The following MGAT4C variants were observed in gnomAD, a reference collection of about 807,000 sequenced individuals.
The protein encoded by MGAT4C is alpha-1,3-mannosyl-glycoprotein 4-beta-N-acetylglucosaminyltransferase C.
Under a neutral mutation model 40.1 loss-of-function variants are expected in MGAT4C, and 19 were observed. The ratio of observed to expected loss-of-function variants is 0.47; its 90% confidence interval spans 0.33 to 0.70. The LOEUF is 0.70. Among genes scored for constraint, MGAT4C ranks in the 30% least tolerant of loss-of-function variants. The probability of loss-of-function intolerance (pLI) is 0.02; values close to 1 mark genes in which losing one functional copy is unlikely to be tolerated. For missense variants in MGAT4C, 491 were observed against 563.2 expected (o/e 0.87, Z 1.30); for synonymous variants, 181 against 187.1 (o/e 0.97, Z 0.27).
Position 86,627,076 on chromosome 12 carries a change from A to T in MGAT4C, c.-229+100133T>A, listed in dbSNP as rs10444513. Reference sequence around the variant, plus strand: ...GACAGCAGGAGATTATATCCCATGCATGGCTCAGCTGGTCCCATGCCCACA... The same window carrying T: ...GACAGCAGGAGATTATATCCCATGCTTGGCTCAGCTGGTCCCATGCCCACA... On this transcript the variant is annotated intron_variant, in intron 2 of 7. Transcript: ENST00000548651. Among the ~76,000 whole-genome samples, 3 of 152,266 alleles carry T rather than the reference A, an allele frequency of 2.0e-5. No homozygotes were observed. In the East Asian group the frequency reaches 5.8e-4, roughly 30 times the overall value.
intron 1 of MGAT4C, among the ~76,000 whole-genome samples, chr12:86,152,205 G>A (rs1190746504): frequency 1.3e-5 from 2 of 152,172 alleles, no homozygotes; most frequent in African/African-American, 2.4e-5. Context: ...GTCTGTTTGT[G>A]CTGCTATAAC....
chr12:86,297,587 G>A (rs1049595840), intron 4 of MGAT4C, among the ~76,000 whole-genome samples: 3 of 152,164 alleles, frequency 2.0e-5, no homozygotes, highest in African/African-American at 7.2e-5. Flanking sequence ...ATAATGCTAT[G>A]AATGTGTGAG....
chr12:85,987,313 A>G (rs1037064159), intron 3 of MGAT4C, among the ~76,000 whole-genome samples: 3 of 149,842 alleles, frequency 2.0e-5, no homozygotes, highest in African/African-American at 7.4e-5. Flanking sequence ...ATTTTTTTGT[A>G]TTTTTAGTAG....
intron 1 of MGAT4C, among the ~76,000 whole-genome samples, chr12:86,246,393 C>G (rs919427908): frequency 6.6e-6 from 1 of 151,926 alleles, no homozygotes. Context: ...GTCTTCATTC[C>G]AGAAGGTTTC....
chr12:86,608,251 G>T (rs1962114283), intron 2 of MGAT4C, among the ~76,000 whole-genome samples: 1 of 151,908 alleles, frequency 6.6e-6, no homozygotes, highest in Admixed American at 6.6e-5. Flanking sequence ...AAGCATAAAA[G>T]AATTCTCCAC....
At chr12:86,571,876 T>C (rs1266303686) in intron 2 of MGAT4C, among the ~76,000 whole-genome samples, 1 of 152,136 alleles carries the variant, frequency 6.6e-6, no homozygotes, top group Non-Finnish European at 1.5e-5. Flanking sequence ...GAAGCCCTTT[T>C]AAGAAGGCAG....
intron 1 of MGAT4C, among the ~76,000 whole-genome samples, chr12:86,831,835 G>A (rs1426854696): frequency 6.6e-6 from 1 of 151,752 alleles, no homozygotes; most frequent in East Asian, 1.9e-4. Context: ...GAATTATTAA[G>A]CCTGTTTATT....
At chr12:86,359,726 T>C (rs941004689) in intron 3 of MGAT4C, among the ~76,000 whole-genome samples, 1 of 151,878 alleles carries the variant, frequency 6.6e-6, no homozygotes, top group African/African-American at 2.4e-5. Flanking sequence ...AACTAGAAAA[T>C]CTAGAAGAAA....
At chr12:86,324,740 T>C (rs990651680) in intron 4 of MGAT4C, among the ~76,000 whole-genome samples, 6 of 150,338 alleles carry the variant, frequency 4.0e-5, no homozygotes, top group African/African-American at 1.5e-4. Flanking sequence ...AGAAAAACAA[T>C]CAATATTTCT....
chr12:86,009,423 C>T (rs1308270484), intron 2 of MGAT4C, among the ~76,000 whole-genome samples: 1 of 152,030 alleles, frequency 6.6e-6, no homozygotes, highest in Non-Finnish European at 1.5e-5. Flanking sequence ...GCAGCTTTCT[C>T]CTCTCTAGTA....
intron 4 of MGAT4C, among the ~76,000 whole-genome samples, chr12:86,322,356 A>G (rs1186704734): frequency 6.6e-6 from 1 of 151,964 alleles, no homozygotes; most frequent in Non-Finnish European, 1.5e-5. Flanking sequence ...CATGTACCCT[A>G]GAACTTAAAG....
In MGAT4C at chr12:85,965,472, C is replaced by G. The variant is rs1216711553; in HGVS notation, c.*13817G>C. The G allele has an allele frequency of 6.6e-6, 1 of 151,934 alleles. No individual in the cohort carries two copies. Among genetic ancestry groups the G allele is most frequent in the East Asian group, 1.9e-4 (1 of 5,134 alleles). The allele number at this position is 151,934 out of a possible 1,614,324, so 9.4% of individuals were successfully genotyped here. Reference sequence around the variant, plus strand: ...ATTAGCCGGGCGTGGTGGCGGGCGCCTGTACTCCCAGCTACTCGGGAGGCT... The same window carrying G: ...ATTAGCCGGGCGTGGTGGCGGGCGCGTGTACTCCCAGCTACTCGGGAGGCT... On this transcript the variant is annotated 3_prime_UTR_variant, in exon 5 of 5. Transcript: ENST00000611864.
At position 86,038,724 on chromosome 12, in the gene MGAT4C, C is replaced by CCCATT. The variant is rs926541112; in HGVS notation, c.-7+10945_-7+10949dup. On this transcript the variant is annotated intron_variant, in intron 2 of 4. Transcript: ENST00000611864. ...TTTATCTTTTAATTGTGGCATTTAG[C>CCCATT]CCATTTACATTTAAGGTTAATATTG... is the stretch of plus-strand genomic sequence containing the variant. 5.3e-5 allele frequency among the ~76,000 whole-genome samples: 8 copies of CCCATT among 149,692 alleles called. 2 individuals are homozygous for CCCATT. Among genetic ancestry groups the CCCATT allele is most frequent in the Non-Finnish European group, 1.0e-4 (7 of 66,814 alleles).
Position 86,035,974 on chromosome 12 carries a change from T to C in MGAT4C, c.-7+13700A>G, listed in dbSNP as rs924116108. Among the ~76,000 whole-genome samples, 5 of 150,134 alleles carry C rather than the reference T, an allele frequency of 3.3e-5. No homozygotes were observed. The Admixed American group carries it at 3.3e-4, about 10-fold the overall frequency. ...ACCAGTACCATGCTGTTTTTATTAC[T>C]GTAGCCTTGTAGTATAGTTTGAAGT... On this transcript the variant is annotated intron_variant, in intron 2 of 4. Transcript: ENST00000611864.
chr12:86,739,767 C>T (rs1201948218), intron 1 of MGAT4C, among the ~76,000 whole-genome samples: 3 of 150,660 alleles, frequency 2.0e-5, no homozygotes, highest in Non-Finnish European at 4.5e-5. Context: ...GCCTGGTGGT[C>T]CTGGAACAAA....
intron 3 of MGAT4C, among the ~76,000 whole-genome samples, chr12:86,391,026 C>G (rs1173166451): frequency 3.3e-5 from 5 of 152,154 alleles, no homozygotes; most frequent in Non-Finnish European, 7.3e-5. Context: ...TATGGGGCTA[C>G]TGAGTCACTT....
At chr12:86,250,801 A>G (rs1377832442) in intron 1 of MGAT4C, among the ~76,000 whole-genome samples, 1 of 152,130 alleles carries the variant, frequency 6.6e-6, no homozygotes, top group African/African-American at 2.4e-5. Context: ...TTTTATATGC[A>G]GTAAATGATT....
intron 3 of MGAT4C, among the ~76,000 whole-genome samples, chr12:86,407,008 T>C (rs987739941): frequency 5.3e-5 from 8 of 152,266 alleles, no homozygotes; most frequent in Middle Eastern, 3.4e-3. Flanking sequence ...TTGTCACCTA[T>C]ACTTCTGACT....
chr12:86,441,320 A>G (rs150275098), intron 2 of MGAT4C, among the ~76,000 whole-genome samples: 2 of 149,958 alleles, frequency 1.3e-5, no homozygotes, highest in African/African-American at 4.9e-5. Context: ...CAAATCAACC[A>G]ACTGATTTTT....
Sources: allele counts gnomAD v4.1 joint callset (sites outside exome capture counted in the v4.1 genomes callset), GRCh38; gene constraint gnomAD v4.1.1; transcripts MANE v1.5; gene names NCBI Gene and HGNC (gene_info 2026-07-23, HGNC 2026-07-21).